The following GRM7 variants were observed in gnomAD, a reference collection of about 807,000 sequenced individuals.
GRM7 encodes metabotropic glutamate receptor 7.
GRM7 carries 35 observed loss-of-function variants against 84.5 expected under a neutral mutation model. The ratio of observed to expected loss-of-function variants is 0.41; its 90% CI spans 0.32 to 0.55. The LOEUF (loss-of-function observed/expected upper bound fraction) is 0.55. Among genes scored for constraint, GRM7 ranks in the 20% least tolerant of loss-of-function variants. The pLI is 0.19. For missense variants in GRM7, 1,003 were observed against 1,194.6 expected, an observed-to-expected ratio of 0.84 and a Z score of 2.36; for synonymous variants, 487 against 455.1, an observed-to-expected ratio of 1.07 and a Z score of -0.89.
At chr3:6,941,873 G>T (rs955166963) in intron 1 of GRM7, among the ~76,000 whole-genome samples, 2 of 152,218 alleles carry the variant, frequency 1.3e-5, no homozygotes, top group Admixed American at 6.5e-5. Flanking sequence ...TGTCAGTCTT[G>T]TGTGGAATCC....
intron 4 of GRM7, among the ~76,000 whole-genome samples, chr3:7,315,706 G>A (rs944954567): frequency 6.6e-6 from 1 of 152,176 alleles, no homozygotes; most frequent in Admixed American, 6.5e-5. Flanking sequence ...CTGGTAAGAG[G>A]TGGGACAAAG....
intron 7 of GRM7, among the ~76,000 whole-genome samples, chr3:7,474,763 C>T (rs572569059): frequency 5.3e-4 from 80 of 151,802 alleles, no homozygotes; most frequent in African/African-American, 1.7e-3. Context: ...TTACAGTATT[C>T]TAGGGACATG....
At chr3:7,326,137 T>G (rs1379373642) in intron 4 of GRM7, among the ~76,000 whole-genome samples, 1 of 129,722 alleles carries the variant, frequency 7.7e-6, no homozygotes, top group Non-Finnish European at 1.6e-5. Context: ...CCACAGTAAT[T>G]AAAGGTATCA....
chr3:7,352,003 T>C (rs1693169143), intron 4 of GRM7, among the ~76,000 whole-genome samples: 1 of 151,332 alleles, frequency 6.6e-6, no homozygotes, highest in Admixed American at 6.6e-5. Context: ...CCCTGATAAA[T>C]ATATTCATTC....
intron 2 of GRM7, among the ~76,000 whole-genome samples, chr3:7,252,623 T>G (rs927759219): frequency 3.3e-4 from 51 of 152,306 alleles, no homozygotes; most frequent in Middle Eastern, 3.4e-3. Context: ...AAATCTAGAT[T>G]TCTGGCTTGG....
chr3:7,563,200 G>A (rs978674088), intron 7 of GRM7, among the ~76,000 whole-genome samples: 33 of 152,054 alleles, frequency 2.2e-4, no homozygotes, highest in Admixed American at 1.5e-3. Context: ...AGTGATTTAA[G>A]GATTTCTATT....
intron 1 of GRM7, among the ~76,000 whole-genome samples, chr3:6,883,851 A>T (rs1304218891): frequency 6.6e-6 from 1 of 152,194 alleles, no homozygotes; most frequent in Non-Finnish European, 1.5e-5. Context: ...GTTGTCAAGT[A>T]GGGCAAGTAG....
chr3:7,331,010 A>G (rs566099347), intron 4 of GRM7, among the ~76,000 whole-genome samples: 2 of 152,304 alleles, frequency 1.3e-5, no homozygotes, highest in African/African-American at 2.4e-5. Context: ...AGAGCTTGCT[A>G]TCTTACTTAC....
chr3:7,467,431 C>G (rs1395768615), intron 7 of GRM7, among the ~76,000 whole-genome samples: 1 of 152,102 alleles, frequency 6.6e-6, no homozygotes, highest in Non-Finnish European at 1.5e-5. Flanking sequence ...GGGTGTTTCC[C>G]AAGTCCAGGA....
chr3:6,934,928 C>CGAAAA (rs1697635925), intron 1 of GRM7, among the ~76,000 whole-genome samples: 1 of 152,162 alleles, frequency 6.6e-6, no homozygotes, highest in Non-Finnish European at 1.5e-5. Flanking sequence ...CAATAATGGG[C>CGAAAA]TAATCATCCC....
chr3:7,439,346 C>T (rs1366290419), intron 5 of GRM7, among the ~76,000 whole-genome samples: 17 of 152,170 alleles, frequency 1.1e-4, no homozygotes, highest in Non-Finnish European at 2.2e-4. Context: ...AGGTCGGAGT[C>T]CTCTCCTGTA....
chr3:7,272,508 T>G (rs1698903491), intron 2 of GRM7, among the ~76,000 whole-genome samples: 1 of 152,174 alleles, frequency 6.6e-6, no homozygotes, highest in South Asian at 2.1e-4. Context: ...GTAAGGCTAT[T>G]AATTATTGTT....
intron 2 of GRM7, among the ~76,000 whole-genome samples, chr3:7,207,555 T>C (rs776939003): frequency 6.6e-6 from 1 of 152,150 alleles, no homozygotes; most frequent in Non-Finnish European, 1.5e-5. Context: ...TAACACCCAG[T>C]CTTCATCTAA....
rs986981876 is a variant in GRM7 at position 6,951,048 on chromosome 3, G to A, written c.519+89141G>A. On this transcript the variant is annotated intron_variant, in intron 1 of 9. Transcript: ENST00000357716. The stretch of plus-strand genomic sequence containing the variant: ...CCCTGCTTCGGCTCACGCACAGTGC[G>A]CTGCACCCACTGTCCGGCACTCCCC... Among the ~76,000 whole-genome samples the A allele has an allele frequency of 1.1e-4, 16 of 152,106 alleles. No individual in the cohort carries two copies. The South Asian group carries it at 1.4e-3, about 14-fold the overall frequency.
chr3:7,441,020 G>A (rs927383907), intron 5 of GRM7, among the ~76,000 whole-genome samples: 1 of 152,142 alleles, frequency 6.6e-6, no homozygotes, highest in African/African-American at 2.4e-5. Flanking sequence ...TCGGTAATGG[G>A]ATTGTTTGGT....
intron 7 of GRM7, among the ~76,000 whole-genome samples, chr3:7,508,066 T>C (rs1413472059): frequency 1.3e-5 from 2 of 152,186 alleles, no homozygotes; most frequent in Non-Finnish European, 2.9e-5. Flanking sequence ...AAAGTCACAT[T>C]TTCAATGTCT....
At chr3:7,001,334 A>T (rs2124877259) in intron 1 of GRM7, among the ~76,000 whole-genome samples, 1 of 152,284 alleles carries the variant, frequency 6.6e-6, no homozygotes, top group Admixed American at 6.5e-5. Context: ...TGGGTGACAG[A>T]GTGAGACCCT....
intron 4 of GRM7, among the ~76,000 whole-genome samples, chr3:7,393,178 T>C (rs547138091): frequency 1.3e-5 from 2 of 152,206 alleles, no homozygotes; most frequent in Non-Finnish European, 1.5e-5. Flanking sequence ...ATGCCCCTTC[T>C]CCCCTGTCTC....
At chr3:7,509,836 A>G (rs1259775003) in intron 7 of GRM7, among the ~76,000 whole-genome samples, 1 of 88,972 alleles carries the variant, frequency 1.1e-5, no homozygotes, top group Non-Finnish European at 2.4e-5. Context: ...GTATCAGGGG[A>G]TTGAAAAAAT....
Sources: gnomAD v4.1 joint callset for allele counts (sites outside exome capture counted in the v4.1 genomes callset) on GRCh38, gnomAD v4.1.1 for gene constraint, MANE v1.5 for transcripts, NCBI Gene and HGNC (gene_info 2026-07-23, HGNC 2026-07-21) for gene names.